The following NR2E3 variants were observed in gnomAD, a reference collection of about 807,000 sequenced individuals.
The protein encoded by NR2E3 is photoreceptor-specific nuclear receptor.
Under a neutral mutation model 37.6 loss-of-function variants are expected in NR2E3, and 38 were observed. That is an observed-to-expected ratio of 1.01 (90% confidence interval 0.78 to 1.33). NR2E3 has a LOEUF of 1.33. Among genes scored for constraint, NR2E3 ranks in the 40% most tolerant of loss-of-function variants. The probability of loss-of-function intolerance (pLI) is 0.00; values close to 1 mark genes in which losing one functional copy is unlikely to be tolerated. For missense variants in NR2E3, 562 were observed against 558.7 expected (o/e 1.01, Z -0.06); for synonymous variants, 235 against 225.1 (o/e 1.04, Z -0.39).
At chr15:71,812,569 C>G (rs1322934559) in intron 5 of NR2E3, 58 bp downstream of exon 5, 2 of 1,474,430 alleles carry the variant, frequency 1.4e-6, no homozygotes, top group Non-Finnish European at 1.8e-6. Flanking sequence ...GCGGCCCACT[C>G]GAGTCAACCA....
At position 71,813,396 on chromosome 15, in the gene NR2E3, T is replaced by C; in HGVS notation, c.755T>C (p.Leu252Pro). Residue 252 changes from leucine to proline, a missense_variant, in exon 6 of 8, where the codon CTG becomes CCG. Transcript: ENST00000617575. This position sits in a 1 kb window ranked among gnomAD's most constrained non-coding sequence, Gnocchi z 4.7. ...ACCCCTGTCTGAGCACAGGTGATCC[T>C]GCTGGAAGAGGCGTGGAGTGAACTC... is the stretch of plus-strand genomic sequence containing the variant. The part of the protein sequence containing the change: ...SSLPFRDQVI[L>P]LEEAWSELFL... 1.2e-6 allele frequency: 2 copies of C among 1,611,568 alleles called. No homozygotes were observed. Among genetic ancestry groups the C allele is most frequent in the Non-Finnish European group, 1.7e-6 (2 of 1,178,960 alleles).
Position 71,814,115 on chromosome 15 carries a change from G to C in NR2E3, c.1098G>C (p.Val366=). The C allele has an allele frequency of 6.2e-7, 1 of 1,609,572 alleles. No homozygotes were observed. The highest frequency in any genetic ancestry group is 8.5e-7 in the Non-Finnish European group (1 of 1,179,648). ...AGGCCCACCACCCCAGCCAGCCCGT[G>C]AGGTGACCTGAGCATGCGCCCACCC... ...HSKAHHPSQP[V]RFGKLLLLLP... is the part of the protein sequence containing the mutation. The change falls in exon 7 of 8, where the codon GTG becomes GTC. Residue 366 remains valine, a splice_region_variant and synonymous_variant. Transcript: ENST00000617575.
At position 71,811,465 on chromosome 15, in the gene NR2E3, C is replaced by T. The variant is rs777624431; in HGVS notation, c.119-18C>T. 1.0e-5 allele frequency: 16 copies of T among 1,549,040 alleles called. No homozygotes were observed. Among genetic ancestry groups the T allele is most frequent in the South Asian group, 9.5e-5 (8 of 84,064 alleles). On this transcript the variant is annotated intron_variant, in intron 1 of 7. Transcript: ENST00000617575. This position sits in a 1 kb window ranked among gnomAD's most constrained non-coding sequence, Gnocchi z 5.6. The stretch of plus-strand genomic sequence containing the variant: ...GGCCCAGCCCTGCCCTGGCCCAGCC[C>T]TGCCCCCTGCCCCTCAGGCGTGAGC...
chr15:71,816,236 G>A (rs529623819), intron 7 of NR2E3, among the ~76,000 whole-genome samples: 4 of 151,766 alleles, frequency 2.6e-5, no homozygotes, highest in Non-Finnish European at 4.4e-5. Context: ...TTTGTGTTGC[G>A]GACTCCTGTC....
At chr15:71,812,222 G>A in intron 4 of NR2E3, 46 bp downstream of exon 4, 2 of 1,605,552 alleles carry the variant, frequency 1.2e-6, no homozygotes. Context: ...TGGCTTCCCG[G>A]GTCACAGCAG....
At chr15:71,816,511 C>T (rs1459427412) in intron 7 of NR2E3, among the ~76,000 whole-genome samples, 8 of 152,088 alleles carry the variant, frequency 5.3e-5, no homozygotes, top group South Asian at 2.1e-4. Context: ...CCGCCCGCCT[C>T]GGCCTCCCAA....
intron 4 of NR2E3, 72 bp from the exon 5 acceptor site, chr15:71,812,264 C>T (rs2140289840): frequency 1.9e-6 from 3 of 1,610,658 alleles, no homozygotes; most frequent in Admixed American, 1.7e-5. Context: ...TCCTCCCTCC[C>T]CCGGGGCTCC....
chr15:71,811,161 A>C lies in NR2E3; in HGVS notation c.118+300A>C, dbSNP rs1204851193. 6.6e-6 allele frequency among the ~76,000 whole-genome samples: 1 copy of C among 152,106 alleles called. No individual in the cohort carries two copies. Among genetic ancestry groups the C allele is most frequent in the Non-Finnish European group, 1.5e-5 (1 of 67,996 alleles). On this transcript the variant is annotated intron_variant, in intron 1 of 7. Transcript: ENST00000617575. The surrounding 1 kb of genome is among the most constrained non-coding windows in gnomAD (Gnocchi z 5.6). ...CACAGAGGTCCCTAGTGGCGTTGAC[A>C]AGAATGTTTCTGTGGGATGATGGAG...
intron 5 of NR2E3, among the ~76,000 whole-genome samples, chr15:71,812,929 T>A (rs376510621): frequency 1.1e-4 from 17 of 152,100 alleles, no homozygotes; most frequent in African/African-American, 2.9e-4. Context: ...GCATTTTAGT[T>A]CAATCTCTCC....
intron 7 of NR2E3, 177 bp downstream of exon 7, chr15:71,814,294 G>A (rs768773245): frequency 3.5e-6 from 5 of 1,411,116 alleles, no homozygotes; most frequent in Non-Finnish European, 4.6e-6. Context: ...TGGGGACCAA[G>A]ATGTACATAA....
chr15:71,811,482 G>A lies in NR2E3; in HGVS notation c.119-1G>A, dbSNP rs2054179222. 6.4e-7 allele frequency: 1 copy of A among 1,555,664 alleles called. No homozygotes were observed. The highest frequency in any genetic ancestry group is 8.7e-7 in the Non-Finnish European group (1 of 1,150,284). On this transcript the variant is annotated splice_acceptor_variant, in intron 1 of 7. Transcript: ENST00000617575. LOFTEE classifies it high-confidence loss of function. This position sits in a 1 kb window ranked among gnomAD's most constrained non-coding sequence, Gnocchi z 5.6. Reference sequence around the variant, plus strand: ...GCCCAGCCCTGCCCCCTGCCCCTCAGGCGTGAGCCCCTCGCTCCAGTGCCG... The same window carrying A: ...GCCCAGCCCTGCCCCCTGCCCCTCAAGCGTGAGCCCCTCGCTCCAGTGCCG...
chr15:71,814,452 G>A, intron 7 of NR2E3: 2 of 1,084,416 alleles, frequency 1.8e-6, no homozygotes, highest in Non-Finnish European at 2.2e-6. Flanking sequence ...GAGGGACTTT[G>A]TGGAGACAGG....
rs775994353 is a variant in NR2E3 at position 71,818,040 on chromosome 15, T to C, written c.*356T>C. ...AGAGTTCAGGAACAGGCAAGACTAA[T>C]TGACAATAATAGAAGTTGGAATAGT... On this transcript the variant is annotated 3_prime_UTR_variant, in exon 8 of 8. Coordinates refer to ENST00000617575, the MANE Select transcript of NR2E3 (RefSeq NM_014249.4). The C allele has an allele frequency of 5.4e-5, 9 of 167,040 alleles. No homozygotes were observed. Among genetic ancestry groups the C allele is most frequent in the East Asian group, 1.5e-4 (1 of 6,600 alleles). The allele number at this position is 167,040 out of a possible 1,614,324, so 10.3% of individuals were successfully genotyped here.
intron 7 of NR2E3, chr15:71,814,426 CAT>C: frequency 1.8e-6 from 2 of 1,135,036 alleles, no homozygotes; most frequent in Non-Finnish European, 2.2e-6. Flanking sequence ...GCATGGGAAA[CAT>C]AAAGCAGAAT....
At position 71,811,640 on chromosome 15, in the gene NR2E3, C is replaced by T; in HGVS notation, c.245+31C>T. Reference sequence around the variant, plus strand: ...TGCGGTGGGCCCTGCTGGGCGTCTGCCCCTGAGGGGTTCTGGAGGGGTGAG... The same window carrying T: ...TGCGGTGGGCCCTGCTGGGCGTCTGTCCCTGAGGGGTTCTGGAGGGGTGAG... On this transcript the variant is annotated intron_variant, in intron 2 of 7. Transcript: ENST00000617575. The surrounding 1 kb of genome is among the most constrained non-coding windows in gnomAD (Gnocchi z 5.6). 6.3e-7 allele frequency: 1 copy of T among 1,595,586 alleles called. No homozygotes were observed. The highest frequency in any genetic ancestry group is 8.5e-7 in the Non-Finnish European group (1 of 1,171,422).
chr15:71,813,715 A>G lies in NR2E3; in HGVS notation c.994+80A>G. On this transcript the variant is annotated intron_variant, in intron 6 of 7. Coordinates refer to ENST00000617575, the MANE Select transcript of NR2E3 (RefSeq NM_014249.4). The surrounding 1 kb of genome is among the most constrained non-coding windows in gnomAD (Gnocchi z 4.7). The stretch of plus-strand genomic sequence containing the variant: ...CTCTCACTCTCCCTCCACTACCCCC[A>G]TGTGTGCAGATGTGTGTAGGCCTCT... 3 of 1,571,554 alleles carry G rather than the reference A, an allele frequency of 1.9e-6. No homozygotes were observed. The highest frequency in any genetic ancestry group is 1.7e-5 in the Admixed American group (1 of 59,894).
rs1389082986 is a variant in NR2E3, at chr15:71,811,847, G to A, written c.327G>A (p.Leu109=). The A allele has an allele frequency of 6.4e-7, 1 of 1,551,332 alleles. No individual in the cohort carries two copies. Among genetic ancestry groups the A allele is most frequent in the South Asian group, 1.2e-5 (1 of 84,064 alleles). The stretch of plus-strand genomic sequence containing the variant: ...AGGCCTGCCGGCTGAAGAAGTGCCT[G>A]CAGGCGGGGATGAACCAGGACGGTG... ...QCQACRLKKC[L]QAGMNQDAVQ... is the part of the protein sequence containing the mutation. The change falls in exon 3 of 8, where the codon CTG becomes CTA. Residue 109 remains leucine (L), a synonymous_variant. Coordinates refer to ENST00000617575, the MANE Select transcript of NR2E3 (RefSeq NM_014249.4). This position sits in a 1 kb window ranked among gnomAD's most constrained non-coding sequence, Gnocchi z 5.6.
In NR2E3 at chr15:71,817,925, G is replaced by T. The variant is rs915445968; in HGVS notation, c.*241G>T. On this transcript the variant is annotated 3_prime_UTR_variant, in exon 8 of 8. Transcript: ENST00000617575. ...CATATAATGAAAAATAATTTAAAAA[G>T]AATGAATTACGGATACATGTGGCAA... 9.2e-6 allele frequency: 3 copies of T among 327,306 alleles called. No homozygotes were observed. Among genetic ancestry groups the T allele is most frequent in the Admixed American group, 4.3e-5 (1 of 23,206 alleles). The allele number at this position is 327,306 out of a possible 1,614,324, so 20.3% of individuals were successfully genotyped here.
At chr15:71,812,299 A>G in intron 4 of NR2E3, 37 bp from the exon 5 acceptor site, 1 of 1,613,586 alleles carries the variant, frequency 6.2e-7, no homozygotes, top group East Asian at 2.2e-5. Flanking sequence ...ACCTCCCGAG[A>G]AGCAGGCGCT....
Sources: gnomAD v4.1 joint callset for allele counts (sites outside exome capture counted in the v4.1 genomes callset) on GRCh38, gnomAD v4.1.1 for gene constraint, Gnocchi (gnomAD v3.1) non-coding constraint, MANE v1.5 for transcripts, NCBI Gene and HGNC (gene_info 2026-07-23, HGNC 2026-07-21) for gene names.